Variants in SLC4A5 observed in about 807,000 individuals in gnomAD.
SLC4A5 encodes the protein solute carrier family 4 member 5.
A neutral mutation model predicts 120.4 loss-of-function variants in SLC4A5; 96 were observed. That is an observed-to-expected ratio of 0.80 (90% confidence interval 0.68 to 0.94). The LOEUF is 0.94. Ranked by LOEUF, SLC4A5 falls within the 40% of genes least tolerant of loss-of-function variation. The pLI is 0.00. For missense variants in SLC4A5, 1,259 were observed against 1,459.5 expected (o/e 0.86, Z 2.24); for synonymous variants, 550 against 571.1 (o/e 0.96, Z 0.53).
chr2:74,249,650 T>C (rs1225542711), intron 17 of SLC4A5, among the ~76,000 whole-genome samples: 2 of 152,072 alleles, frequency 1.3e-5, no homozygotes, highest in Non-Finnish European at 1.5e-5. Flanking sequence ...CCTGCTGTGC[T>C]GGGGAAGGGC....
At chr2:74,232,799 G>A in intron 23 of SLC4A5, 152 bp from the exon 24 acceptor site, 1 of 930,978 alleles carries the variant, frequency 1.1e-6, no homozygotes, top group Non-Finnish European at 1.6e-6. Context: ...GCAGAGGTGG[G>A]TGTGTCCTGC....
chr2:74,337,280 A>G (rs1378720587), intron 3 of SLC4A5, among the ~76,000 whole-genome samples: 2 of 152,154 alleles, frequency 1.3e-5, no homozygotes, highest in African/African-American at 4.8e-5. Context: ...GAAGAGGTGG[A>G]GAGAGACTTT....
intron 7 of SLC4A5, among the ~76,000 whole-genome samples, chr2:74,303,851 AT>A (rs11287779): frequency 0.31 from 43,959 of 143,396 alleles, 10,144 homozygotes; most frequent in East Asian, 0.82. Context: ...CATTATTATT[AT>A]TTTTTTTTTT....
intron 25 of SLC4A5, among the ~76,000 whole-genome samples, chr2:74,229,263 G>A (rs917323714): frequency 2.0e-5 from 3 of 148,952 alleles, no homozygotes; most frequent in South Asian, 4.3e-4. Context: ...TTTTTTTGGG[G>A]GGGGCACGGA....
intron 3 of SLC4A5, among the ~76,000 whole-genome samples, chr2:74,335,811 G>A (rs1182007528): frequency 6.6e-6 from 1 of 152,128 alleles, no homozygotes; most frequent in African/African-American, 2.4e-5. Flanking sequence ...GCAAAACTTT[G>A]CTAAGAAACA....
intron 5 of SLC4A5, among the ~76,000 whole-genome samples, chr2:74,321,668 T>G (rs535226258): frequency 2.6e-5 from 4 of 151,800 alleles, no homozygotes; most frequent in Non-Finnish European, 5.9e-5. Flanking sequence ...AAAGGGAGAA[T>G]GCGCATTGGG....
exon 3 of SLC4A5, chr2:74,338,873 C>CT (rs1673559873): frequency 6.6e-6 from 1 of 152,106 alleles, no homozygotes; most frequent in Non-Finnish European, 1.5e-5. Flanking sequence ...AGCAGCAACT[C>CT]TTTATCTGGA....
intron 26 of SLC4A5, 104 bp from the exon 27 acceptor site, chr2:74,227,234 GC>G: frequency 2.3e-6 from 3 of 1,325,140 alleles, no homozygotes; most frequent in Non-Finnish European, 3.1e-6. Flanking sequence ...GAGAGGGGAA[GC>G]CCCCTGCTCA....
At chr2:74,319,677 C>T (rs1017306195) in intron 5 of SLC4A5, among the ~76,000 whole-genome samples, 4 of 152,162 alleles carry the variant, frequency 2.6e-5, no homozygotes, top group African/African-American at 9.7e-5. Flanking sequence ...TTTTCTCTCT[C>T]TCTCTCTCCC....
chr2:74,329,828 TGGG>T (rs1186363111), intron 4 of SLC4A5, among the ~76,000 whole-genome samples: 2 of 151,478 alleles, frequency 1.3e-5, no homozygotes, highest in East Asian at 1.9e-4. Flanking sequence ...GAGGTGTAGA[TGGG>T]GGGTGAAGTG....
chr2:74,221,218 G>C lies in SLC4A5; in HGVS notation c.*33+216C>G, dbSNP rs554589398. On this transcript the variant is annotated intron_variant, in intron 30 of 30. Coordinates refer to ENST00000394019, the Ensembl canonical transcript of SLC4A5. ...CTTTACTAAAGTTGAATACCTTTGTGTGTTGTAACCATGTTGTTAAGTCAG... is the reference window on the plus strand; with the variant it reads ...CTTTACTAAAGTTGAATACCTTTGTCTGTTGTAACCATGTTGTTAAGTCAG... Among the ~76,000 whole-genome samples, 3 of 152,288 alleles carry C rather than the reference G, an allele frequency of 2.0e-5. No individual in the cohort carries two copies. In the South Asian group the frequency reaches 6.2e-4, roughly 32 times the overall value.
chr2:74,219,945 C>T (rs184160916), intron 30 of SLC4A5, among the ~76,000 whole-genome samples: 1 of 152,234 alleles, frequency 6.6e-6, no homozygotes, highest in Admixed American at 6.5e-5. Flanking sequence ...GTCGTTTCAC[C>T]CTGGCATTGG....
exon 15 of SLC4A5, chr2:74,253,102 G>A (rs1051200757): frequency 6.2e-7 from 1 of 1,614,028 alleles, no homozygotes; most frequent in African/African-American, 1.3e-5. Flanking sequence ...CCCGATTGCG[G>A]GCTTTGTAGG....
chr2:74,305,960 G>T (rs547977139), intron 6 of SLC4A5, among the ~76,000 whole-genome samples: 12 of 152,192 alleles, frequency 7.9e-5, no homozygotes, highest in Admixed American at 7.2e-4. Context: ...TCCTGACCTT[G>T]TGATCCACCC....
At chr2:74,293,922 T>A (rs760184884) in intron 7 of SLC4A5, among the ~76,000 whole-genome samples, 1 of 152,128 alleles carries the variant, frequency 6.6e-6, no homozygotes, top group African/African-American at 2.4e-5. Flanking sequence ...ATAAGAATAG[T>A]TAGATTAAGC....
At chr2:74,263,589 T>G (rs571133866) in intron 10 of SLC4A5, among the ~76,000 whole-genome samples, 6 of 152,150 alleles carry the variant, frequency 3.9e-5, no homozygotes, top group Non-Finnish European at 8.8e-5. Context: ...CCCCAGGTCC[T>G]GCTAATCAGA....
chr2:74,226,883 G>A, intron 27 of SLC4A5, 74 bp downstream of exon 27: 2 of 1,512,256 alleles, frequency 1.3e-6, no homozygotes, highest in South Asian at 1.2e-5. Flanking sequence ...TGGCAGGAGG[G>A]GAGGTTGCGC....
In SLC4A5 at chr2:74,255,526, C is replaced by T. The variant is rs1314422382; in HGVS notation, c.1025+249G>A. On this transcript the variant is annotated intron_variant, in intron 13 of 30. Transcript: ENST00000394019. The surrounding 1 kb of genome is among the most constrained non-coding windows in gnomAD (Gnocchi z 4.0). ...GCCAGGCTGGTCTCGAACTCCTGAC[C>T]TCATGATCTGCCCACCTTGGCATCC... Among the ~76,000 whole-genome samples the T allele has an allele frequency of 1.3e-5, 2 of 152,184 alleles. No individual in the cohort carries two copies. Among genetic ancestry groups the T allele is most frequent in the Non-Finnish European group, 2.9e-5 (2 of 68,026 alleles).
chr2:74,337,616 T>A (rs1673525075), intron 3 of SLC4A5, among the ~76,000 whole-genome samples: 1 of 152,192 alleles, frequency 6.6e-6, no homozygotes, highest in Non-Finnish European at 1.5e-5. Context: ...AATGCACTGT[T>A]TAAAAAATCC....
Sources: allele counts gnomAD v4.1 joint callset (sites outside exome capture counted in the v4.1 genomes callset), GRCh38; gene constraint gnomAD v4.1.1; non-coding constraint Gnocchi (gnomAD v3.1); transcripts MANE v1.5; gene names NCBI Gene and HGNC (gene_info 2026-07-23, HGNC 2026-07-21).